Variants in ELMO1 observed in about 807,000 individuals in gnomAD.
The protein encoded by ELMO1 is engulfment and cell motility protein 1.
ELMO1 carries 26 observed loss-of-function variants against 98.9 expected under a neutral mutation model. The ratio of observed to expected loss-of-function variants is 0.26; its 90% CI spans 0.19 to 0.36. The LOEUF is 0.36. Ranked by LOEUF, ELMO1 falls within the 10% of genes least tolerant of loss-of-function variation. The probability of loss-of-function intolerance (pLI) is 1.00; values close to 1 mark genes in which losing one functional copy is unlikely to be tolerated. For missense variants in ELMO1, 627 were observed against 935.2 expected (o/e 0.67, Z 4.30); for synonymous variants, 346 against 346.0 (o/e 1.00, Z 0.00).
intron 1 of ELMO1, among the ~76,000 whole-genome samples, chr7:37,344,439 G>A (rs1308867921): frequency 6.6e-6 from 1 of 152,200 alleles, no homozygotes; most frequent in Non-Finnish European, 1.5e-5. Context: ...AGTTCATTGT[G>A]TGGATGTGTC....
chr7:37,310,150 A>G lies in ELMO1; in HGVS notation c.192+4700T>C, dbSNP rs575919809. On this transcript the variant is annotated intron_variant, in intron 4 of 21. Transcript: ENST00000310758. The stretch of plus-strand genomic sequence containing the variant: ...GGTGCCTGGGGCCAGCTTTGCAGAG[A>G]GGGCCTGAATGAGGCTTAGCGTATT... 3.3e-5 allele frequency among the ~76,000 whole-genome samples: 5 copies of G among 152,332 alleles called. No individual in the cohort carries two copies. In the East Asian group the frequency reaches 9.6e-4, roughly 29 times the overall value.
intron 1 of ELMO1, among the ~76,000 whole-genome samples, chr7:37,411,686 A>T (rs1320751679): frequency 6.6e-6 from 1 of 152,192 alleles, no homozygotes; most frequent in East Asian, 1.9e-4. Context: ...TGAGAAAACT[A>T]ATATTCATAT....
At chr7:37,217,079 T>C (rs1793327690) in intron 10 of ELMO1, among the ~76,000 whole-genome samples, 1 of 152,218 alleles carries the variant, frequency 6.6e-6, no homozygotes, top group Non-Finnish European at 1.5e-5. Context: ...CACATGCCTG[T>C]AGCAAGGAGA....
chr7:37,405,901 G>C (rs1292855776), intron 1 of ELMO1, among the ~76,000 whole-genome samples: 4 of 152,200 alleles, frequency 2.6e-5, no homozygotes, highest in South Asian at 2.1e-4. Flanking sequence ...CTGACCACGA[G>C]AGCATGGGTC....
intron 4 of ELMO1, among the ~76,000 whole-genome samples, chr7:37,277,910 G>A (rs2392486): frequency 0.071 from 10,796 of 152,190 alleles, 503 homozygotes; most frequent in African/African-American, 0.11. Context: ...CTCATTACAG[G>A]AACTTTCTGA....
chr7:37,200,870 G>A (rs1792252552), intron 13 of ELMO1, among the ~76,000 whole-genome samples: 1 of 151,692 alleles, frequency 6.6e-6, no homozygotes, highest in Non-Finnish European at 1.5e-5. Context: ...AGGATAGCTG[G>A]AGCCCAGGAG....
chr7:36,873,610 AG>A (rs1469095507), intron 19 of ELMO1, among the ~76,000 whole-genome samples: 1 of 152,214 alleles, frequency 6.6e-6, no homozygotes, highest in Non-Finnish European at 1.5e-5. Flanking sequence ...CTAGGTTAGT[AG>A]GTGAAAAGAG....
At chr7:37,037,391 A>G (rs537342236) in intron 15 of ELMO1, among the ~76,000 whole-genome samples, 1 of 152,164 alleles carries the variant, frequency 6.6e-6, no homozygotes, top group Non-Finnish European at 1.5e-5. Context: ...GTGATCGGCC[A>G]TTCTTTTACT....
intron 20 of ELMO1, among the ~76,000 whole-genome samples, chr7:36,864,285 A>G (rs1282202531): frequency 1.3e-5 from 2 of 152,192 alleles, no homozygotes; most frequent in African/African-American, 2.4e-5. Flanking sequence ...AGGAAGGAAA[A>G]GGAGCAGGCA....
chr7:37,338,506 G>A (rs979638587), intron 2 of ELMO1, among the ~76,000 whole-genome samples: 1 of 152,118 alleles, frequency 6.6e-6, no homozygotes, highest in Non-Finnish European at 1.5e-5. Context: ...AATTTCTGTT[G>A]TTCATAAATT....
At chr7:37,106,220 T>C (rs1259467343) in intron 14 of ELMO1, among the ~76,000 whole-genome samples, 3 of 152,196 alleles carry the variant, frequency 2.0e-5, no homozygotes, top group South Asian at 2.1e-4. Context: ...ATGGTTTGAA[T>C]GATGGTGCCC....
At chr7:36,924,499 G>A (rs557363754) in intron 16 of ELMO1, among the ~76,000 whole-genome samples, 6 of 152,280 alleles carry the variant, frequency 3.9e-5, no homozygotes, top group South Asian at 4.1e-4. Context: ...GGAGGAGTAC[G>A]TCCTCTTAGC....
At chr7:37,127,988 T>C (rs1786649726) in intron 14 of ELMO1, among the ~76,000 whole-genome samples, 1 of 151,538 alleles carries the variant, frequency 6.6e-6, no homozygotes, top group African/African-American at 2.4e-5. Context: ...AGGTCAGGAG[T>C]TCAAGACCAG....
At chr7:37,077,662 T>C (rs1259854918) in intron 15 of ELMO1, among the ~76,000 whole-genome samples, 1 of 152,188 alleles carries the variant, frequency 6.6e-6, no homozygotes, top group African/African-American at 2.4e-5. Flanking sequence ...TAACAGGACG[T>C]GGCCGCTGGC....
chr7:37,221,135 T>C (rs1435974908), intron 10 of ELMO1, among the ~76,000 whole-genome samples: 3 of 152,170 alleles, frequency 2.0e-5, no homozygotes, highest in Non-Finnish European at 2.9e-5. Context: ...CACAGGCTTG[T>C]GGAGGGCAGG....
intron 15 of ELMO1, among the ~76,000 whole-genome samples, chr7:37,071,329 C>T (rs906589337): frequency 3.3e-5 from 5 of 152,048 alleles, no homozygotes; most frequent in African/African-American, 1.2e-4. Context: ...ATTATTCATC[C>T]CTTCCACCTC....
rs146127350 is a variant in ELMO1, at chr7:37,367,803, G to C, written c.-73-25040C>G. Among the ~76,000 whole-genome samples, 138 of 152,182 alleles carry C rather than the reference G, an allele frequency of 9.1e-4. 1 individual carries two copies. Among genetic ancestry groups the C allele is most frequent in the African/African-American group, 3.1e-3 (130 of 41,522 alleles). ...ATAACCCAAATGAGGTAATTTGCAT[G>C]AAATTATTTTATAGCATATAAAGCA... On this transcript the variant is annotated intron_variant, in intron 1 of 21. Coordinates refer to ENST00000310758, the MANE Select transcript of ELMO1 (RefSeq NM_014800.11).
intron 5 of ELMO1, among the ~76,000 whole-genome samples, chr7:37,262,551 T>C (rs1196884114): frequency 1.3e-5 from 2 of 152,212 alleles, no homozygotes; most frequent in African/African-American, 4.8e-5. Context: ...TGTTCTTAAC[T>C]ATCCCCACAG....
intron 2 of ELMO1, among the ~76,000 whole-genome samples, chr7:37,337,542 A>C (rs964325830): frequency 5.0e-5 from 7 of 139,754 alleles, no homozygotes; most frequent in Admixed American, 1.4e-4. Flanking sequence ...AAAAAAAAAA[A>C]CACCTATGTG....
Sources: gnomAD v4.1 joint callset for allele counts (sites outside exome capture counted in the v4.1 genomes callset) on GRCh38, gnomAD v4.1.1 for gene constraint, MANE v1.5 for transcripts, NCBI Gene and HGNC (gene_info 2026-07-23, HGNC 2026-07-21) for gene names.